Variants in BAALC observed in about 807,000 individuals in gnomAD.
BAALC encodes the protein brain and acute leukemia cytoplasmic protein.
In BAALC, 9 loss-of-function variants were observed where a neutral mutation model predicts 15.5. The ratio of observed to expected loss-of-function variants is 0.58; its 90% CI spans 0.35 to 1.02. The LOEUF (loss-of-function observed/expected upper bound fraction) is 1.02. Among genes scored for constraint, BAALC ranks in the 50% least tolerant of loss-of-function variants. BAALC has a pLI of 0.02. For synonymous variants in BAALC, 80 were observed against 74.6 expected, an observed-to-expected ratio of 1.07 and a Z score of -0.37; for missense variants, 201 against 192.4, an observed-to-expected ratio of 1.04 and a Z score of -0.27.
chr8:103,183,865 T>C (rs1412086365), intron 1 of BAALC, among the ~76,000 whole-genome samples: 7 of 152,234 alleles, frequency 4.6e-5, no homozygotes, highest in Admixed American at 3.3e-4. Context: ...ACTCCCATGA[T>C]GTGAAGTGTG....
intron 1 of BAALC, among the ~76,000 whole-genome samples, chr8:103,186,281 A>C (rs980171579): frequency 6.6e-6 from 1 of 152,198 alleles, no homozygotes; most frequent in Non-Finnish European, 1.5e-5. Flanking sequence ...TGCTGCCTTC[A>C]CAATCATCCT....
chr8:103,177,540 C>T (rs1172841888), intron 1 of BAALC, among the ~76,000 whole-genome samples: 3 of 152,174 alleles, frequency 2.0e-5, no homozygotes, highest in Admixed American at 1.3e-4. Flanking sequence ...ACCGTCTTGG[C>T]AGTCTGTGTT....
At chr8:103,186,127 C>T (rs1270925682) in intron 1 of BAALC, among the ~76,000 whole-genome samples, 1 of 152,178 alleles carries the variant, frequency 6.6e-6, no homozygotes, top group Non-Finnish European at 1.5e-5. Context: ...CTGTGAGTCT[C>T]CCTCAGGGCC....
intron 1 of BAALC, among the ~76,000 whole-genome samples, chr8:103,176,967 C>T (rs1382533913): frequency 6.6e-6 from 1 of 152,112 alleles, no homozygotes; most frequent in Non-Finnish European, 1.5e-5. Context: ...GTACTTGTTT[C>T]ATCTCCCCAT....
At chr8:103,154,704 C>T (rs1319520916) in intron 1 of BAALC, 1 of 154,380 alleles carries the variant, frequency 6.5e-6, no homozygotes, top group Non-Finnish European at 1.5e-5. Context: ...GCCTGCTGCT[C>T]CTGCCCTTCT....
intron 1 of BAALC, among the ~76,000 whole-genome samples, chr8:103,156,243 A>G (rs1811088237): frequency 6.6e-6 from 1 of 152,236 alleles, no homozygotes; most frequent in Non-Finnish European, 1.5e-5. Context: ...GAACACTCAA[A>G]TAATGTTTCT....
chr8:103,165,384 A>C (rs1811321823), intron 1 of BAALC: 2 of 152,108 alleles, frequency 1.3e-5, no homozygotes, highest in Non-Finnish European at 2.9e-5. Flanking sequence ...GACAACCCAA[A>C]ATGCCCCTGT....
chr8:103,197,983 C>T, intron 1 of BAALC: 1 of 549,674 alleles, frequency 1.8e-6, no homozygotes, highest in South Asian at 2.5e-5. Context: ...TCCTTTTAAA[C>T]ATTGCTCAAG....
At chr8:103,223,970 G>A (rs1205427180) in intron 2 of BAALC, among the ~76,000 whole-genome samples, 3 of 152,172 alleles carry the variant, frequency 2.0e-5, no homozygotes, top group African/African-American at 7.2e-5. Context: ...AGTCCTCAAA[G>A]CTATTTAGTG....
chr8:103,186,077 TGCCCAGCCTCTTCAGGGCAAGGG>T (rs1366701723), intron 1 of BAALC, among the ~76,000 whole-genome samples: 1 of 152,180 alleles, frequency 6.6e-6, no homozygotes, highest in Non-Finnish European at 1.5e-5. Context: ...GAGAATGGGA[TGCCCAGCCTCTTCAGGGCAAGGG>T]ACCCAGCCTC....
At chr8:103,168,511 GTT>G (rs200573493) in intron 1 of BAALC, among the ~76,000 whole-genome samples, 93 of 140,616 alleles carry the variant, frequency 6.6e-4, no homozygotes, top group African/African-American at 4.6e-4. Flanking sequence ...ATATGTGTTT[GTT>G]TTTTTTTTTT....
intron 2 of BAALC, among the ~76,000 whole-genome samples, chr8:103,218,317 TTCTC>T (rs1306736061): frequency 6.6e-6 from 1 of 152,102 alleles, no homozygotes; most frequent in East Asian, 1.9e-4. Context: ...CTCTTTCTCT[TTCTC>T]TATTGCACCT....
intron 1 of BAALC, among the ~76,000 whole-genome samples, chr8:103,182,647 T>C (rs2129977993): frequency 6.6e-6 from 1 of 152,320 alleles, no homozygotes; most frequent in East Asian, 1.9e-4. Context: ...ATTATTATTG[T>C]GTTGTCCACT....
intron 1 of BAALC, among the ~76,000 whole-genome samples, chr8:103,189,696 A>G (rs1218145486): frequency 2.0e-5 from 3 of 152,206 alleles, no homozygotes; most frequent in African/African-American, 7.2e-5. Flanking sequence ...AATAACACCT[A>G]GGTGGGCATG....
chr8:103,196,429 C>T (rs1812100236), intron 1 of BAALC, among the ~76,000 whole-genome samples: 1 of 152,226 alleles, frequency 6.6e-6, no homozygotes, highest in Middle Eastern at 3.4e-3. Context: ...TACGGGCATG[C>T]ACCACCATGC....
At chr8:103,198,026 G>T in intron 1 of BAALC, 1 of 666,612 alleles carries the variant, frequency 1.5e-6, no homozygotes, top group Non-Finnish European at 2.7e-6. Context: ...AACCATGCCT[G>T]ATTTGAGCCA....
intron 1 of BAALC, among the ~76,000 whole-genome samples, chr8:103,174,224 C>T (rs1811558811): frequency 6.7e-6 from 1 of 148,404 alleles, no homozygotes; most frequent in South Asian, 2.1e-4. Context: ...TGGACAAATT[C>T]CAATTTGGTT....
intron 1 of BAALC, among the ~76,000 whole-genome samples, chr8:103,204,153 AT>A (rs1229879621): frequency 6.6e-6 from 1 of 151,994 alleles, no homozygotes; most frequent in Non-Finnish European, 1.5e-5. Context: ...GTGGTTTTTG[AT>A]ATGCATTTCT....
intron 1 of BAALC, among the ~76,000 whole-genome samples, chr8:103,164,861 G>A (rs1351989675): frequency 6.6e-6 from 1 of 152,144 alleles, no homozygotes; most frequent in Non-Finnish European, 1.5e-5. Flanking sequence ...GTGCACATGT[G>A]CACAGGTCTG....
Sources: allele counts gnomAD v4.1 joint callset (sites outside exome capture counted in the v4.1 genomes callset), GRCh38; gene constraint gnomAD v4.1.1; transcripts MANE v1.5; gene names NCBI Gene and HGNC (gene_info 2026-07-23, HGNC 2026-07-21).